Variants in PCDHGA2 observed in about 807,000 individuals in gnomAD.
PCDHGA2 encodes the protein protocadherin gamma subfamily A, 2, also known as protocadherin gamma-A2.
A neutral mutation model predicts 59.2 loss-of-function variants in PCDHGA2; 40 were observed. The ratio of observed to expected loss-of-function variants is 0.68; its 90% confidence interval spans 0.52 to 0.88. The LOEUF (loss-of-function observed/expected upper bound fraction) is 0.88. PCDHGA2 is among the 40% of genes least tolerant of loss of function. The pLI, the probability that PCDHGA2 is intolerant of heterozygous loss-of-function variation, is 0.00. For synonymous variants in PCDHGA2, 560 were observed against 526.0 expected (o/e 1.06, Z -0.89); for missense variants, 1,226 against 1,204.0 (o/e 1.02, Z -0.27).
At chr5:141,393,589 C>T (rs1050679940) in intron 1 of PCDHGA2, 2 of 1,613,920 alleles carry the variant, frequency 1.2e-6, no homozygotes, top group Non-Finnish European at 1.7e-6. Flanking sequence ...CCCCCAGGCA[C>T]GCGGCTGCTT....
At chr5:141,441,932 C>A in intron 1 of PCDHGA2, 1 of 347,904 alleles carries the variant, frequency 2.9e-6, no homozygotes. Flanking sequence ...GCGTGGCTGT[C>A]CTACCACGTG....
chr5:141,408,079 A>C (rs1176059527), intron 1 of PCDHGA2: 13 of 1,407,872 alleles, frequency 9.2e-6, no homozygotes, highest in Non-Finnish European at 1.1e-5. Context: ...CTTTCCCAGC[A>C]CAGCGGATTG....
rs747481541 is a variant in PCDHGA2 at position 141,356,652 on chromosome 5, T to A, written c.2424+15257T>A. On this transcript the variant is annotated intron_variant, in intron 1 of 3. Transcript: ENST00000394576. ...CTCAAGACCCTGACAGTGGTGACAATGCCCGAATCACTTACTCCCTGGCCG... is the reference window on the plus strand; with the variant it reads ...CTCAAGACCCTGACAGTGGTGACAAAGCCCGAATCACTTACTCCCTGGCCG... 3.1e-6 allele frequency: 5 copies of A among 1,613,960 alleles called. No homozygotes were observed. The African/African-American group carries it at 5.3e-5, about 17-fold the overall frequency.
intron 1 of PCDHGA2, chr5:141,371,710 CTCT>C: frequency 6.2e-7 from 1 of 1,614,076 alleles, no homozygotes; most frequent in Non-Finnish European, 8.5e-7. Flanking sequence ...AAGACCATCA[CTCT>C]GCACATCCTT....
chr5:141,339,015 T>A lies in PCDHGA2; in HGVS notation c.44T>A (p.Leu15Gln), dbSNP rs748669005. Residue 15 changes from leucine (L) to glutamine (Q), a missense_variant, in exon 1 of 4, where the codon CTG becomes CAG. Coordinates refer to ENST00000394576, the MANE Select transcript of PCDHGA2 (RefSeq NM_018915.4). ...TTGCCACACTGCAGAAAGCTGGTCC[T>A]GCTGTGCTTCCTTTTGGCGACCCTG... ...QKLPHCRKLV[L>Q]LCFLLATLWE... 6.3e-7 allele frequency: 1 copy of A among 1,586,616 alleles called. No homozygotes were observed. The highest frequency in any genetic ancestry group is 1.8e-5 in the Admixed American group (1 of 56,324).
At chr5:141,395,620 CAAG>C (rs1298520628) in intron 1 of PCDHGA2, 1 of 189,326 alleles carries the variant, frequency 5.3e-6, no homozygotes, top group Non-Finnish European at 1.1e-5. Flanking sequence ...AGAAAATTAT[CAAG>C]AAGTCTAAAG....
chr5:141,374,354 G>C, intron 1 of PCDHGA2: 1 of 1,614,036 alleles, frequency 6.2e-7, no homozygotes, highest in East Asian at 2.2e-5. Context: ...GGGTAGGATA[G>C]ACCGCGAGGA....
rs776008188 is a variant in PCDHGA2, at chr5:141,376,058, A to T, written c.2424+34663A>T. The T allele has an allele frequency of 4.3e-6, 7 of 1,613,282 alleles. No homozygotes were observed. In the East Asian group the frequency reaches 1.3e-4, roughly 31 times the overall value. ...CCAGCCCCCTCTCTCCGCCACTGTC[A>T]CGCTCACCGTGGCCGTGGCCGACAG... On this transcript the variant is annotated intron_variant, in intron 1 of 3. Transcript: ENST00000394576.
At chr5:141,403,701 A>C in intron 1 of PCDHGA2, 2 of 1,613,934 alleles carry the variant, frequency 1.2e-6, no homozygotes, top group South Asian at 2.2e-5. Flanking sequence ...TACCGAGTTA[A>C]AGTCCTTGAG....
Position 141,419,080 on chromosome 5 carries a change from T to G in PCDHGA2, c.2425-75727T>G, listed in dbSNP as rs1286490083. The G allele has an allele frequency of 3.1e-6, 5 of 1,613,842 alleles. No individual in the cohort carries two copies. The South Asian group carries it at 5.5e-5, about 18-fold the overall frequency. On this transcript the variant is annotated intron_variant, in intron 1 of 3. Transcript: ENST00000394576. ...ATAATTACTACAAGCTAGTAACAGA[T>G]GAGGCCCTGGATCGGGAGCAGACCC... is the stretch of plus-strand genomic sequence containing the variant.
intron 1 of PCDHGA2, among the ~76,000 whole-genome samples, chr5:141,448,796 T>G (rs1268643310): frequency 1.0e-4 from 15 of 150,106 alleles, no homozygotes; most frequent in Admixed American, 4.0e-4. Context: ...AAAAAAAAAA[T>G]TAGCCAGGCG....
chr5:141,477,898 AG>A lies in PCDHGA2; in HGVS notation c.2425-16907del. The stretch of plus-strand genomic sequence containing the variant: ...CTGGCCACCTAGTGTCACGGGTGGT[AG>A]GCTGGGACGCGGATGCAGGGCACAA... On this transcript the variant is annotated intron_variant, in intron 1 of 3. Coordinates refer to ENST00000394576, the MANE Select transcript of PCDHGA2 (RefSeq NM_018915.4). The surrounding 1 kb of genome is among the most constrained non-coding windows in gnomAD (Gnocchi z 4.9). The A allele has an allele frequency of 6.2e-7, 1 of 1,614,158 alleles. No individual in the cohort carries two copies. Among genetic ancestry groups the A allele is most frequent in the Non-Finnish European group, 8.5e-7 (1 of 1,180,036 alleles).
At chr5:141,346,186 G>T (rs759993278) in intron 1 of PCDHGA2, 5 of 1,614,060 alleles carry the variant, frequency 3.1e-6, no homozygotes, top group Non-Finnish European at 4.2e-6. Flanking sequence ...AGGCTGCGGC[G>T]CTGGCACAAG....
At chr5:141,346,798 A>G (rs1182626077) in intron 1 of PCDHGA2, among the ~76,000 whole-genome samples, 1 of 152,192 alleles carries the variant, frequency 6.6e-6, no homozygotes, top group African/African-American at 2.4e-5. Context: ...GATGAGAGAA[A>G]CACAACACTG....
rs1346536726 is a variant in PCDHGA2 at position 141,375,203 on chromosome 5, C to A, written c.2424+33808C>A. 10 of 1,613,794 alleles carry A rather than the reference C, an allele frequency of 6.2e-6. No individual in the cohort carries two copies. In the Admixed American group the frequency reaches 1.3e-4, roughly 22 times the overall value. ...AATCGCCCTTTTTCAAGTGTTCGATCGAGACTCTGGCCTGAATGGCCTGGT... is the reference window on the plus strand; with the variant it reads ...AATCGCCCTTTTTCAAGTGTTCGATAGAGACTCTGGCCTGAATGGCCTGGT... On this transcript the variant is annotated intron_variant, in intron 1 of 3. Transcript: ENST00000394576.
intron 1 of PCDHGA2, chr5:141,364,397 C>T (rs1412341598): frequency 1.2e-6 from 2 of 1,605,004 alleles, no homozygotes; most frequent in Admixed American, 3.4e-5. Flanking sequence ...CCTGGGGACG[C>T]TGTGCGAGCC....
At chr5:141,419,096 G>T in intron 1 of PCDHGA2, 9 of 1,613,918 alleles carry the variant, frequency 5.6e-6, no homozygotes, top group Non-Finnish European at 7.6e-6. Context: ...CCTGGATCGG[G>T]AGCAGACCCC....
rs536041905 is a variant in PCDHGA2, at chr5:141,376,529, C to T, written c.2424+35134C>T. The T allele has an allele frequency of 9.9e-6, 16 of 1,613,656 alleles. No homozygotes were observed. The African/African-American group carries it at 2.0e-4, about 20-fold the overall frequency. ...TCAGGTGAGTTTCTTTCCGCCTAAG[C>T]GGGAAGAGTAATCTGATCTTCCCGC... is the stretch of plus-strand genomic sequence containing the variant. On this transcript the variant is annotated intron_variant, in intron 1 of 3. Transcript: ENST00000394576.
rs770199497 is a variant in PCDHGA2 at position 141,339,687 on chromosome 5, C to A, written c.716C>A (p.Ala239Glu). Reference sequence around the variant, plus strand: ...AAGGTCCTGGATGCGAACGACAATGCGCCTGTTTTTACACAGCCCGAGTAC... The same window carrying A: ...AAGGTCCTGGATGCGAACGACAATGAGCCTGTTTTTACACAGCCCGAGTAC... ...CVKVLDANDN[A>E]PVFTQPEYRI... The change falls in exon 1 of 4, where the codon GCG (alanine) becomes GAG (glutamate). Residue 239 changes from alanine (A) to glutamate (E), a missense_variant. Ala to Glu is a moderately radical substitution (Grantham distance 107). Coordinates refer to ENST00000394576, the MANE Select transcript of PCDHGA2 (RefSeq NM_018915.4). The A allele has an allele frequency of 1.2e-6, 2 of 1,614,076 alleles. No homozygotes were observed. Among genetic ancestry groups the A allele is most frequent in the South Asian group, 1.1e-5 (1 of 91,084 alleles).
Sources: allele counts gnomAD v4.1 joint callset (sites outside exome capture counted in the v4.1 genomes callset), GRCh38; gene constraint gnomAD v4.1.1; non-coding constraint Gnocchi (gnomAD v3.1); transcripts MANE v1.5; gene names NCBI Gene and HGNC (gene_info 2026-07-23, HGNC 2026-07-21).